The following ACAN variants were observed in gnomAD, a reference collection of about 807,000 sequenced individuals.
ACAN encodes the protein aggrecan, also known as aggrecan core protein.
ACAN carries 47 observed loss-of-function variants against 169.1 expected under a neutral mutation model. That is an observed-to-expected ratio of 0.28 (90% CI 0.22 to 0.35). ACAN has a LOEUF of 0.35. Ranked by LOEUF, ACAN falls within the 10% of genes least tolerant of loss-of-function variation. ACAN has a pLI of 1.00. For synonymous variants in ACAN, 1,115 were observed against 1,112.2 expected, an observed-to-expected ratio of 1.00 and a Z score of -0.05; for missense variants, 2,716 against 2,759.9, an observed-to-expected ratio of 0.98 and a Z score of 0.36.
At position 88,840,193 on chromosome 15, in the gene ACAN, C is replaced by G. The variant is rs1457718066; in HGVS notation, c.629+7C>G. ...TGGCTGACCAGACTGTCAGGTGAGC[C>G]CTAGCCCATCAGCTAGTGGGGGCCA... On this transcript the variant is annotated splice_region_variant and intron_variant, in intron 4 of 18. Transcript: ENST00000560601. 1 of 1,584,752 alleles carries G rather than the reference C, an allele frequency of 6.3e-7. No individual in the cohort carries two copies. The highest frequency in any genetic ancestry group is 2.3e-5 in the East Asian group (1 of 44,094).
Position 88,849,739 on chromosome 15 carries a change from G to C in ACAN, c.2026+8G>C, listed in dbSNP as rs139402847. 0.018 allele frequency: 29,637 copies of C among 1,612,978 alleles called. 314 individuals carry two copies. Among genetic ancestry groups the C allele is most frequent in the Non-Finnish European group, 0.023 (27,039 of 1,179,554 alleles). ...ATGCCTTCTGCTTCCGAGGTATGCA[G>C]CCTCACTTCGGCTCCAACAGCCCCT... On this transcript the variant is annotated splice_region_variant and intron_variant, in intron 10 of 18. Transcript: ENST00000560601. This position sits in a 1 kb window ranked among gnomAD's most constrained non-coding sequence, Gnocchi z 5.1.
intron 6 of ACAN, among the ~76,000 whole-genome samples, chr15:88,845,185 G>A (rs557506442): frequency 1.4e-4 from 22 of 152,358 alleles, no homozygotes; most frequent in African/African-American, 5.0e-4. Context: ...CTCATGAGAC[G>A]AGTGAAGCAG....
At chr15:88,823,801 C>CCTA (rs1197192302) in intron 1 of ACAN, among the ~76,000 whole-genome samples, 1 of 152,198 alleles carries the variant, frequency 6.6e-6, no homozygotes, top group African/African-American at 2.4e-5. Flanking sequence ...TCTGGGGTCA[C>CCTA]CTACTACTCC....
chr15:88,840,237 G>A, intron 4 of ACAN, 51 bp downstream of exon 4: 1 of 1,506,312 alleles, frequency 6.6e-7, no homozygotes, highest in East Asian at 2.4e-5. Context: ...CAGCCACAGG[G>A]GAGTGGGGCG....
At chr15:88,845,469 C>T (rs765108939) in intron 6 of ACAN, 36 bp from the exon 7 acceptor site, 39 of 1,562,020 alleles carry the variant, frequency 2.5e-5, no homozygotes. Flanking sequence ...CGGTCCCAGG[C>T]TGAGAGGCTA....
At position 88,814,709 on chromosome 15, in the gene ACAN, C is replaced by T. The variant is rs1309822330; in HGVS notation, c.-8+10900C>T. Among the ~76,000 whole-genome samples, 2 of 152,230 alleles carry T rather than the reference C, an allele frequency of 1.3e-5. No homozygotes were observed. Among genetic ancestry groups the T allele is most frequent in the East Asian group, 3.8e-4 (2 of 5,202 alleles). ...ATTGTACCCGACTCCTTCAACCCTT[C>T]TCTGGGACTGCGCTGCAGATGTTGT... is the stretch of plus-strand genomic sequence containing the variant. On this transcript the variant is annotated intron_variant, in intron 1 of 18. Transcript: ENST00000560601. This position sits in a 1 kb window ranked among gnomAD's most constrained non-coding sequence, Gnocchi z 4.0.
rs890947719 is a variant in ACAN, at chr15:88,849,783, C to T, written c.2026+52C>T. 3 of 1,588,738 alleles carry T rather than the reference C, an allele frequency of 1.9e-6. No individual in the cohort carries two copies. Among genetic ancestry groups the T allele is most frequent in the African/African-American group, 1.3e-5 (1 of 74,448 alleles). ...AGCCCCTTTTGTCTGGAGAGGACCCCACTGGGTTCACCGGATCCTGCCACC... is the reference window on the plus strand; with the variant it reads ...AGCCCCTTTTGTCTGGAGAGGACCCTACTGGGTTCACCGGATCCTGCCACC... On this transcript the variant is annotated intron_variant, in intron 10 of 18. Coordinates refer to ENST00000560601, the MANE Select transcript of ACAN (RefSeq NM_001369268.1). This position sits in a 1 kb window ranked among gnomAD's most constrained non-coding sequence, Gnocchi z 5.1.
chr15:88,857,457 T>C lies in ACAN; in HGVS notation c.4872T>C (p.Gly1624=), dbSNP rs1410198189. 6.2e-7 allele frequency: 1 copy of C among 1,613,806 alleles called. No homozygotes were observed. Among genetic ancestry groups the C allele is most frequent in the Admixed American group, 1.7e-5 (1 of 60,010 alleles). ...LGSGQAPETS[G]LPSGFSGEYS... ...GTGGGCAAGCTCCAGAAACAAGTGG[T>C]CTTCCCTCTGGATTTAGTGGTGAGT... Residue 1624 remains glycine (G), a synonymous_variant, in exon 12 of 19, where the codon GGT becomes GGC. Coordinates refer to ENST00000560601, the MANE Select transcript of ACAN (RefSeq NM_001369268.1).
chr15:88,820,132 C>A (rs1015897928), intron 1 of ACAN, among the ~76,000 whole-genome samples: 3 of 152,200 alleles, frequency 2.0e-5, no homozygotes, highest in African/African-American at 7.2e-5. Context: ...CTGGCATGGA[C>A]TCAAGCCTGG....
chr15:88,859,226 G>C lies in ACAN; in HGVS notation c.6641G>C (p.Ser2214Thr). ...GHTSQLGVVI[S>T]TSIPESEWTQ... ...ACCTCGCAGCTGGGCGTTGTCATCA[G>C]CACCAGCATCCCAGAGTCTGAGTGG... Residue 2214 changes from serine (S) to threonine (T), a missense_variant, in exon 12 of 19, where the codon AGC becomes ACC. Ser to Thr is a moderately conservative substitution (Grantham distance 58, BLOSUM62 1). This residue lies in a region of ACAN where 1,389 missense variants were observed against 1,363.7 expected (regional missense o/e 1.02). Transcript: ENST00000560601. 6.2e-7 allele frequency: 1 copy of C among 1,613,884 alleles called. No homozygotes were observed. The highest frequency in any genetic ancestry group is 8.5e-7 in the Non-Finnish European group (1 of 1,179,898).
In ACAN at chr15:88,856,986, C is replaced by T. The variant is rs755037598; in HGVS notation, c.4401C>T (p.Leu1467=). The change falls in exon 12 of 19, where the codon CTC becomes CTT. Residue 1467 remains leucine (L), a synonymous_variant. Transcript: ENST00000560601. Reference sequence around the variant, plus strand: ...CTTCTACCTCTGCGGTAGGGGACCTCAGTGGACTTCCTTCTGGAGGAGAAG... The same window carrying T: ...CTTCTACCTCTGCGGTAGGGGACCTTAGTGGACTTCCTTCTGGAGGAGAAG... The part of the protein sequence containing the change: ...LETSTSAVGD[L]SGLPSGGEVL... The T allele has an allele frequency of 1.3e-5, 21 of 1,613,598 alleles. No individual in the cohort carries two copies. In the Middle Eastern group the frequency reaches 5.0e-4, roughly 38 times the overall value.
chr15:88,827,537 T>C (rs1343571069), intron 1 of ACAN, among the ~76,000 whole-genome samples: 2 of 152,218 alleles, frequency 1.3e-5, no homozygotes, highest in African/African-American at 2.4e-5. Context: ...TTAAATTCGA[T>C]ATAGATGCAA....
chr15:88,820,389 C>G (rs1567166618), intron 1 of ACAN, among the ~76,000 whole-genome samples: 1 of 152,256 alleles, frequency 6.6e-6, no homozygotes, highest in South Asian at 2.1e-4. Context: ...TAGTTTCTCC[C>G]TGATACATAC....
chr15:88,856,973 C>T lies in ACAN; in HGVS notation c.4388C>T (p.Ala1463Val), dbSNP rs369619909. 107 of 1,611,254 alleles carry T rather than the reference C, an allele frequency of 6.6e-5. No individual in the cohort carries two copies. The highest frequency in any genetic ancestry group is 1.7e-4 in the Middle Eastern group (1 of 6,008). Residue 1463 changes from alanine (A) to valine (V), a missense_variant, in exon 12 of 19, where the codon GCG (alanine) becomes GTG (valine). Around this residue, in one of 3 missense-constraint regions of ACAN, gnomAD observed 1,389 missense variants for 1,363.7 expected, o/e 1.02. Coordinates refer to ENST00000560601, the MANE Select transcript of ACAN (RefSeq NM_001369268.1). ...SGEVLETSTSAVGDLSGLPSG... is the reference protein window; with the variant it reads ...SGEVLETSTSVVGDLSGLPSG... ...GAAGTTCTAGAGACTTCTACCTCTG[C>T]GGTAGGGGACCTCAGTGGACTTCCT...
intron 1 of ACAN, 112 bp from the exon 2 acceptor site, chr15:88,836,088 A>G: frequency 1.4e-6 from 1 of 714,388 alleles, no homozygotes; most frequent in Non-Finnish European, 2.4e-6. Context: ...TCTGGAGATG[A>G]TTCCAGGTCC....
intron 1 of ACAN, among the ~76,000 whole-genome samples, chr15:88,825,529 G>T (rs1260644689): frequency 6.6e-6 from 1 of 152,186 alleles, no homozygotes; most frequent in Admixed American, 6.5e-5. Context: ...ACCTTCTAGT[G>T]TACCATGTTA....
intron 10 of ACAN, chr15:88,850,365 G>A: frequency 6.2e-6 from 1 of 160,416 alleles, no homozygotes. Flanking sequence ...ACTCCCCACT[G>A]GACTTCTGAG....
chr15:88,848,351 C>T (rs1356422993), intron 9 of ACAN, among the ~76,000 whole-genome samples: 3 of 152,226 alleles, frequency 2.0e-5, no homozygotes, highest in Non-Finnish European at 2.9e-5. Context: ...ACACCAACTC[C>T]TTCTTGGAGA....
At chr15:88,862,356 C>T (rs1019546234) in intron 13 of ACAN, among the ~76,000 whole-genome samples, 4 of 152,158 alleles carry the variant, frequency 2.6e-5, no homozygotes, top group South Asian at 2.1e-4. Flanking sequence ...AACTCCCAGG[C>T]GACTCCAATG....
Sources: gnomAD v4.1 joint callset for allele counts (sites outside exome capture counted in the v4.1 genomes callset) on GRCh38, gnomAD v4.1.1 for gene constraint, gnomAD v4.1.1 regional missense constraint, Gnocchi (gnomAD v3.1) non-coding constraint, MANE v1.5 for transcripts, NCBI Gene and HGNC (gene_info 2026-07-23, HGNC 2026-07-21) for gene names.